The following SPOCK2 variants were observed in gnomAD, a reference collection of about 807,000 sequenced individuals.
SPOCK2 encodes SPARC (osteonectin), cwcv and kazal like domains proteoglycan 2.
A neutral mutation model predicts 60.1 loss-of-function variants in SPOCK2; 39 were observed. The observed-to-expected ratio is 0.65, with a 90% confidence interval of 0.50 to 0.85. The LOEUF (loss-of-function observed/expected upper bound fraction) is 0.85, where lower values mean the gene tolerates loss of function less well. SPOCK2 is among the 40% of genes least tolerant of loss of function. The pLI is 0.00. For missense variants in SPOCK2, 523 were observed against 567.4 expected (o/e 0.92, Z 0.80); for synonymous variants, 217 against 231.5 (o/e 0.94, Z 0.57).
intron 1 of SPOCK2, among the ~76,000 whole-genome samples, chr10:72,084,884 T>C (rs1840834282): frequency 6.6e-6 from 1 of 152,190 alleles, no homozygotes. Context: ...GAGTGCTCAC[T>C]GCATCAGGGA....
At chr10:72,079,647 G>A (rs1043385902) in intron 1 of SPOCK2, among the ~76,000 whole-genome samples, 4 of 152,088 alleles carry the variant, frequency 2.6e-5, no homozygotes, top group Non-Finnish European at 5.9e-5. Context: ...CAAATCACCC[G>A]CTCACTTCAC....
At position 72,066,935 on chromosome 10, in the gene SPOCK2, T is replaced by A; in HGVS notation, c.895A>T (p.Thr299Ser). 5 of 1,614,128 alleles carry A rather than the reference T, an allele frequency of 3.1e-6. No individual in the cohort carries two copies. Among genetic ancestry groups the A allele is most frequent in the Non-Finnish European group, 4.2e-6 (5 of 1,180,030 alleles). ...CDTYKDGRVS[T>S]AEWCFCFWRE... ...CAGAAGCAGAAGCACCACTCAGCAG[T>A]AGAGACCCGGCCATCCTTGTAGGTG... The change falls in exon 8 of 11, where the codon ACT becomes TCT. Residue 299 changes from threonine (T) to serine (S), a missense_variant. Thr to Ser is a moderately conservative substitution (Grantham distance 58). Coordinates refer to ENST00000373109, the MANE Select transcript of SPOCK2 (RefSeq NM_001244950.2).
intron 1 of SPOCK2, among the ~76,000 whole-genome samples, chr10:72,085,437 G>A (rs1840841751): frequency 6.6e-6 from 1 of 152,214 alleles, no homozygotes; most frequent in Non-Finnish European, 1.5e-5. Flanking sequence ...AGAGAAAGAT[G>A]CTAAGCTGCG....
Position 72,072,261 on chromosome 10 carries a change from G to A in SPOCK2, c.245-3C>T, listed in dbSNP as rs1489897629. 5.9e-6 allele frequency: 9 copies of A among 1,523,338 alleles called. No homozygotes were observed. In the East Asian group the frequency reaches 1.7e-4, roughly 29 times the overall value. 94.4% of individuals were successfully genotyped at this position (1,523,338 alleles called of 1,614,324 possible). On this transcript the variant is annotated splice_region_variant and splice_polypyrimidine_tract_variant and intron_variant, in intron 3 of 10. Coordinates refer to ENST00000373109, the MANE Select transcript of SPOCK2 (RefSeq NM_001244950.2). ...GGGGTCCTTGGTGGTATCCAGGGCTGCAGGGGCACAGAGTCAGGACACAGG... is the reference window on the plus strand; with the variant it reads ...GGGGTCCTTGGTGGTATCCAGGGCTACAGGGGCACAGAGTCAGGACACAGG...
chr10:72,069,117 A>ACCTCGCCCTGG (rs1327397996), intron 5 of SPOCK2: 2 of 155,712 alleles, frequency 1.3e-5, no homozygotes, highest in Non-Finnish European at 2.8e-5. Context: ...TCCTGCCCAG[A>ACCTCGCCCTGG]CCTCGCCCTG....
chr10:72,073,478 T>C (rs1840676020), intron 1 of SPOCK2, among the ~76,000 whole-genome samples: 1 of 152,220 alleles, frequency 6.6e-6, no homozygotes, highest in African/African-American at 2.4e-5. Context: ...GAGGAGGCCA[T>C]GCCTGTGATG....
Position 72,068,228 on chromosome 10 carries a change from G to C in SPOCK2, c.548C>G (p.Pro183Arg). ...GGTGGAGGTGGCAGCCTGCTCCGTGGGGCAGGGGCAGGGGCCCTCGCATCG... is the reference window on the plus strand; with the variant it reads ...GGTGGAGGTGGCAGCCTGCTCCGTGCGGCAGGGGCAGGGGCCCTCGCATCG... The part of the protein sequence containing the change: ...AVRCEGPCPC[P>R]TEQAATSTAD... The change falls in exon 6 of 11, where the codon CCC becomes CGC. Residue 183 changes from proline (P) to arginine (R), a missense_variant. Transcript: ENST00000373109. 6.2e-7 allele frequency: 1 copy of C among 1,610,982 alleles called. No homozygotes were observed. The highest frequency in any genetic ancestry group is 8.5e-7 in the Non-Finnish European group (1 of 1,178,846).
At position 72,067,646 on chromosome 10, in the gene SPOCK2, C is replaced by G. The variant is rs747720767; in HGVS notation, c.676G>C (p.Gly226Arg). The change falls in exon 7 of 11, where the codon GGC becomes CGC. Residue 226 changes from glycine to arginine, a missense_variant. Coordinates refer to ENST00000373109, the MANE Select transcript of SPOCK2 (RefSeq NM_001244950.2). ...QLLHENSKQNGSASSVAGPAS... is the reference protein window; with the variant it reads ...QLLHENSKQNRSASSVAGPAS... ...GGGCCGGCTACACTGCTGGCTGAGCCATTCTGCTTGGAGTTCTCATGAAGG... is the reference window on the plus strand; with the variant it reads ...GGGCCGGCTACACTGCTGGCTGAGCGATTCTGCTTGGAGTTCTCATGAAGG... The G allele has an allele frequency of 5.0e-6, 8 of 1,613,728 alleles. No homozygotes were observed. The East Asian group carries it at 1.8e-4, about 36-fold the overall frequency.
chr10:72,086,049 G>A (rs931088975), intron 1 of SPOCK2, among the ~76,000 whole-genome samples: 3 of 152,186 alleles, frequency 2.0e-5, no homozygotes, highest in African/African-American at 7.2e-5. Context: ...CCAGGGCCAG[G>A]CCCTCTTGCC....
chr10:72,072,162 C>G lies in SPOCK2; in HGVS notation c.341G>C (p.Arg114Pro). 1 of 1,528,428 alleles carries G rather than the reference C, an allele frequency of 6.5e-7. No homozygotes were observed. The highest frequency in any genetic ancestry group is 8.8e-7 in the Non-Finnish European group (1 of 1,138,182). The allele number at this position is 1,528,428 out of a possible 1,614,324, so 94.7% of individuals were successfully genotyped here. The change falls in exon 4 of 11, where the codon CGC becomes CCC. Residue 114 changes from arginine (R) to proline (P), a missense_variant. Physicochemically the swap from Arg to Pro is moderately radical, Grantham distance 103. Coordinates refer to ENST00000373109, the MANE Select transcript of SPOCK2 (RefSeq NM_001244950.2). ...CTCTCACCTGTGCTCCAGCTTCTTG[C>G]GACTGATGCACATGGCCCGCTGGTA... The part of the protein sequence containing the change: ...QGYQRAMCIS[R>P]KKLEHRIKQP...
rs10713496 is a variant in SPOCK2, at chr10:72,088,347, TG to T, written c.-20del. 0.47 allele frequency: 715,812 copies of T among 1,529,980 alleles called. 174,220 individuals carry two copies. The highest frequency in any genetic ancestry group is 0.81 in the African/African-American group (57,713 of 71,490). 94.8% of individuals were successfully genotyped at this position (1,529,980 alleles called of 1,614,324 possible). A position where few individuals can be genotyped will look rare whatever the true frequency, so the allele number is the denominator to read the frequency against. ...CGCGCATCGTGGTCTGGGTTCGACC[TG>T]GGGGGGTCTTGACTTCTGCAGTATT... On this transcript the variant is annotated 5_prime_UTR_variant, in exon 1 of 11. Transcript: ENST00000373109.
intron 1 of SPOCK2, among the ~76,000 whole-genome samples, chr10:72,073,515 C>T (rs1225590894): frequency 6.6e-6 from 1 of 152,214 alleles, no homozygotes; most frequent in Non-Finnish European, 1.5e-5. Context: ...CACGATTCAG[C>T]TTCAAACCCT....
rs148641213 is a variant in SPOCK2, at chr10:72,067,621, G to A, written c.701C>T (p.Pro234Leu). 1,009 of 1,612,812 alleles carry A rather than the reference G, an allele frequency of 6.3e-4. No individual in the cohort carries two copies. The highest frequency in any genetic ancestry group is 7.9e-4 in the Non-Finnish European group (934 of 1,179,998). Reference protein sequence around the residue: ...QNGSASSVAGPASGLDKSLGA... With the variant: ...QNGSASSVAGLASGLDKSLGA... ...AGCAGCAAGCTTCCTACCGCTGGCC[G>A]GGCCGGCTACACTGCTGGCTGAGCC... Residue 234 changes from proline (P) to leucine (L), a missense_variant, in exon 7 of 11, where the codon CCG becomes CTG. Pro to Leu is a moderately conservative substitution (Grantham distance 98, BLOSUM62 -3). Coordinates refer to ENST00000373109, the MANE Select transcript of SPOCK2 (RefSeq NM_001244950.2).
intron 1 of SPOCK2, 84 bp downstream of exon 1, chr10:72,088,056 G>C: frequency 6.5e-7 from 1 of 1,527,912 alleles, no homozygotes; most frequent in African/African-American, 1.4e-5. Flanking sequence ...GCTGCGACGT[G>C]CGGCGGCCGC....
rs1840459439 is a variant in SPOCK2, at chr10:72,059,125, G to C, written c.*3635C>G. ...TGGAGTGTACTTGTTTCCTTAGGCT[G>C]AGTAATAGGCAGATAAAGACGACAC... On this transcript the variant is annotated 3_prime_UTR_variant, in exon 11 of 11. Transcript: ENST00000373109. The C allele has an allele frequency of 6.6e-6, 1 of 152,634 alleles. No individual in the cohort carries two copies. Among genetic ancestry groups the C allele is most frequent in the African/African-American group, 2.4e-5 (1 of 41,406 alleles). 9.5% of individuals were successfully genotyped at this position (152,634 alleles called of 1,614,324 possible).
At chr10:72,064,032 G>A in intron 9 of SPOCK2, 146 bp downstream of exon 9, 1 of 1,012,154 alleles carries the variant, frequency 9.9e-7, no homozygotes, top group African/African-American at 1.7e-5. Context: ...CACAGGAAGG[G>A]GGCAACCCTC....
intron 1 of SPOCK2, among the ~76,000 whole-genome samples, chr10:72,078,249 C>T (rs929846912): frequency 8.5e-5 from 13 of 152,152 alleles, no homozygotes; most frequent in African/African-American, 3.1e-4. Flanking sequence ...GGCGCGGTGG[C>T]TCACACCTGT....
intron 1 of SPOCK2, among the ~76,000 whole-genome samples, chr10:72,080,067 C>T (rs1270487141): frequency 6.6e-6 from 1 of 152,108 alleles, no homozygotes; most frequent in Non-Finnish European, 1.5e-5. Context: ...TTCTCTGGCA[C>T]ACACCCGGGG....
At chr10:72,072,285 G>A in intron 3 of SPOCK2, 27 bp from the exon 4 acceptor site, 1 of 1,494,416 alleles carries the variant, frequency 6.7e-7, no homozygotes, top group Non-Finnish European at 8.9e-7. Flanking sequence ...TCAGGACACA[G>A]GTCACCTGGG....
Sources: gnomAD v4.1 joint callset for allele counts (sites outside exome capture counted in the v4.1 genomes callset) on GRCh38, gnomAD v4.1.1 for gene constraint, MANE v1.5 for transcripts, NCBI Gene and HGNC (gene_info 2026-07-23, HGNC 2026-07-21) for gene names.